Variants in PDCD6 observed in about 807,000 individuals in gnomAD.
The protein encoded by PDCD6 is programmed cell death protein 6.
PDCD6 carries 12 observed loss-of-function variants against 28.3 expected under a neutral mutation model. That is an observed-to-expected ratio of 0.42 (90% CI 0.27 to 0.69). PDCD6 has a LOEUF of 0.69. Among genes scored for constraint, PDCD6 ranks in the 30% least tolerant of loss-of-function variants. PDCD6 has a pLI of 0.22. For synonymous variants in PDCD6, 92 were observed against 108.0 expected (o/e 0.85, Z 0.92); for missense variants, 226 against 269.9 (o/e 0.84, Z 1.14).
chr5:308,680 T>C (rs779957704), intron 4 of PDCD6: 1 of 152,230 alleles, frequency 6.6e-6, no homozygotes, highest in Admixed American at 6.5e-5. Context: ...TCTTGGCCCC[T>C]GTGAACAAGT....
At chr5:291,018 C>G (rs1739280944) in intron 2 of PDCD6, among the ~76,000 whole-genome samples, 1 of 152,150 alleles carries the variant, frequency 6.6e-6, no homozygotes, top group African/African-American at 2.4e-5. Context: ...CACAGAGGAC[C>G]TCCACCAAGT....
Position 305,730 on chromosome 5 carries a change from A to G in PDCD6, c.209-872A>G, listed in dbSNP as rs1271667494. On this transcript the variant is annotated intron_variant, in intron 3 of 5. Coordinates refer to ENST00000264933, the MANE Select transcript of PDCD6 (RefSeq NM_013232.4). The surrounding 1 kb of genome is among the most constrained non-coding windows in gnomAD (Gnocchi z 4.0). ...AAAAACAGCCCCTGGTCCACACACC[A>G]CACACGTCGTGGAACGGTGCACGTC... 6.6e-6 allele frequency: 1 copy of G among 152,224 alleles called. No individual in the cohort carries two copies. Among genetic ancestry groups the G allele is most frequent in the Non-Finnish European group, 1.5e-5 (1 of 68,046 alleles). The allele number at this position is 152,224 out of a possible 1,614,324, so 9.4% of individuals were successfully genotyped here.
intron 2 of PDCD6, among the ~76,000 whole-genome samples, chr5:286,181 G>A (rs1404207429): frequency 6.6e-6 from 1 of 151,926 alleles, no homozygotes; most frequent in African/African-American, 2.4e-5. Flanking sequence ...TGCAGCTGGA[G>A]ACCCAGGTGG....
At chr5:275,448 T>C (rs1738128817) in intron 2 of PDCD6, among the ~76,000 whole-genome samples, 1 of 152,246 alleles carries the variant, frequency 6.6e-6, no homozygotes. Flanking sequence ...CGTTCTGTTT[T>C]GTTTGCATCT....
chr5:299,474 T>C (rs983623316), intron 2 of PDCD6, among the ~76,000 whole-genome samples: 1 of 151,630 alleles, frequency 6.6e-6, no homozygotes. Context: ...CTTGGAATTA[T>C]AAGAAATTAA....
At chr5:290,497 A>G (rs1395341707) in intron 2 of PDCD6, among the ~76,000 whole-genome samples, 1 of 152,158 alleles carries the variant, frequency 6.6e-6, no homozygotes, top group Non-Finnish European at 1.5e-5. Context: ...AGTGAGACCA[A>G]CAGAGCGAGC....
chr5:283,019 C>T (rs1579491714), intron 2 of PDCD6, among the ~76,000 whole-genome samples: 1 of 151,092 alleles, frequency 6.6e-6, no homozygotes, highest in African/African-American at 2.4e-5. Flanking sequence ...CATCGTACAG[C>T]TGAAGACTTG....
At position 314,441 on chromosome 5, in the gene PDCD6, T is replaced by TA; in HGVS notation, c.503dup (p.Tyr168Ter). Residue 168 changes from tyrosine (Y) to a stop codon, truncating the protein, a stop_gained and frameshift_variant, in exon 6 of 6, where the codon TAC becomes TAAC. Coordinates refer to ENST00000264933, the MANE Select transcript of PDCD6 (RefSeq NM_013232.4). Reference sequence around the variant, plus strand: ...GAGGTTGACGGATATATTCAGACGTTACGACACGGATCAGGACGGCTGGAT... The same window carrying TA: ...GAGGTTGACGGATATATTCAGACGTTAACGACACGGATCAGGACGGCTGGAT... Reference protein sequence around the residue: ...LQRLTDIFRRYDTDQDGWIQV... With the variant: ...LQRLTDIFRR The TA allele has an allele frequency of 6.2e-7, 1 of 1,613,802 alleles. No individual in the cohort carries two copies. Among genetic ancestry groups the TA allele is most frequent in the South Asian group, 1.1e-5 (1 of 91,080 alleles).
In PDCD6 at chr5:273,937, T is replaced by G. The variant is rs1164723009; in HGVS notation, c.163+1165T>G. 6.4e-4 allele frequency among the ~76,000 whole-genome samples: 8 copies of G among 12,576 alleles called. No homozygotes were observed. In the South Asian group the frequency reaches 9.1e-3, roughly 14 times the overall value. The allele number at this position is 12,576 out of a possible 152,430, so 8.3% of individuals were successfully genotyped here. On this transcript the variant is annotated intron_variant, in intron 2 of 5. Transcript: ENST00000264933. ...CTTTTCATTATTCTTAAATCCTCGT[T>G]TTTTTTTTTTTTATTTGCATCTCAG...
intron 2 of PDCD6, among the ~76,000 whole-genome samples, chr5:288,631 G>A (rs1226266681): frequency 3.3e-5 from 5 of 151,356 alleles, no homozygotes; most frequent in Admixed American, 2.0e-4. Flanking sequence ...AAAGATCAGC[G>A]GTAAGGTAAA....
chr5:273,122 T>G (rs1383914275), intron 2 of PDCD6: 33 of 263,422 alleles, frequency 1.3e-4, no homozygotes, highest in South Asian at 1.6e-4. Flanking sequence ...GGTGACTGCA[T>G]CTTGGTGACT....
intron 2 of PDCD6, among the ~76,000 whole-genome samples, chr5:302,027 C>T (rs1449034729): frequency 7.4e-6 from 1 of 135,946 alleles, no homozygotes; most frequent in Non-Finnish European, 1.5e-5. Flanking sequence ...AAGAGCACAG[C>T]TTCCCTGCAT....
chr5:307,452 GCA>G lies in PDCD6; in HGVS notation c.367+701_367+702del, dbSNP rs1411753658. On this transcript the variant is annotated intron_variant, in intron 4 of 5. Transcript: ENST00000264933. This position sits in a 1 kb window ranked among gnomAD's most constrained non-coding sequence, Gnocchi z 6.1. ...CAGCGTGTGTGTGCTTGACGCGTGTGCACACACACATGTGACGGTGTGCCGTG... is the reference window on the plus strand; with the variant it reads ...CAGCGTGTGTGTGCTTGACGCGTGTGCACACACATGTGACGGTGTGCCGTG... Among the ~76,000 whole-genome samples, 3 of 152,178 alleles carry G rather than the reference GCA, an allele frequency of 2.0e-5. No homozygotes were observed. Among genetic ancestry groups the G allele is most frequent in the African/African-American group, 2.4e-5 (1 of 41,434 alleles).
chr5:304,641 T>TGG (rs1308997000), intron 3 of PDCD6: 5 of 163,252 alleles, frequency 3.1e-5, no homozygotes, highest in African/African-American at 9.6e-5. Flanking sequence ...AAGCGCTAGA[T>TGG]ATTTGTGACA....
chr5:290,152 T>A, intron 2 of PDCD6: 3 of 1,589,526 alleles, frequency 1.9e-6, no homozygotes, highest in Non-Finnish European at 2.6e-6. Context: ...TCTGAAATCA[T>A]CCATCACTTT....
At chr5:296,953 A>G (rs527919201) in intron 2 of PDCD6, among the ~76,000 whole-genome samples, 1 of 152,196 alleles carries the variant, frequency 6.6e-6, no homozygotes, top group East Asian at 1.9e-4. Flanking sequence ...TCTCATCTCA[A>G]GTTCTCTGGT....
At chr5:286,522 C>T (rs964823406) in intron 2 of PDCD6, among the ~76,000 whole-genome samples, 11 of 150,258 alleles carry the variant, frequency 7.3e-5, no homozygotes, top group African/African-American at 2.7e-4. Context: ...CGGGGATGTG[C>T]TGATGTTCCC....
chr5:280,878 G>A (rs1242505163), intron 2 of PDCD6, among the ~76,000 whole-genome samples: 1 of 152,250 alleles, frequency 6.6e-6, no homozygotes, highest in Non-Finnish European at 1.5e-5. Context: ...GGGCACTTTG[G>A]GCTGTGGATG....
chr5:292,489 C>T (rs896936941), intron 2 of PDCD6, among the ~76,000 whole-genome samples: 2 of 152,122 alleles, frequency 1.3e-5, no homozygotes, highest in African/African-American at 4.8e-5. Context: ...AAACTCCTGA[C>T]CTCAGGTGAT....
Sources: gnomAD v4.1 joint callset for allele counts (sites outside exome capture counted in the v4.1 genomes callset) on GRCh38, gnomAD v4.1.1 for gene constraint, Gnocchi (gnomAD v3.1) non-coding constraint, MANE v1.5 for transcripts, NCBI Gene and HGNC (gene_info 2026-07-23, HGNC 2026-07-21) for gene names.